Variants in DPY19L3 observed in about 807,000 individuals in gnomAD.
The protein encoded by DPY19L3 is dpy-19 like C-mannosyltransferase 3.
Under a neutral mutation model 92.3 loss-of-function variants are expected in DPY19L3, and 51 were observed. That is an observed-to-expected ratio of 0.55 (90% confidence interval 0.44 to 0.70). DPY19L3 has a LOEUF of 0.70. DPY19L3 is among the 30% of genes least tolerant of loss of function. DPY19L3 has a pLI of 0.00. For synonymous variants in DPY19L3, 309 were observed against 315.2 expected, an observed-to-expected ratio of 0.98 and a Z score of 0.21; for missense variants, 706 against 855.9, an observed-to-expected ratio of 0.82 and a Z score of 2.18.
At chr19:32,471,819 T>G (rs562886286) in intron 16 of DPY19L3, among the ~76,000 whole-genome samples, 1 of 152,328 alleles carries the variant, frequency 6.6e-6, no homozygotes, top group South Asian at 2.1e-4. Context: ...GGGCCTTACC[T>G]GAGGGTGACA....
chr19:32,463,848 C>G (rs1439878666), intron 13 of DPY19L3, 21 bp from the exon 14 acceptor site: 1 of 1,594,794 alleles, frequency 6.3e-7, no homozygotes, highest in Non-Finnish European at 8.6e-7. Flanking sequence ...TTCTGACTTG[C>G]GCCTGTGTCT....
At chr19:32,437,630 G>A (rs78979906) in intron 6 of DPY19L3, among the ~76,000 whole-genome samples, 44 of 152,060 alleles carry the variant, frequency 2.9e-4, no homozygotes, top group Non-Finnish European at 5.0e-4. Context: ...TTCTCCAGCC[G>A]CATATCTCAT....
rs1435766800 is a variant in DPY19L3 at position 32,485,144 on chromosome 19, C to G, written c.*2904C>G. The stretch of plus-strand genomic sequence containing the variant: ...GATCGGCAAACGAATGTATATTACA[C>G]AGTTTAGGTTATGATTCCCTACTTT... On this transcript the variant is annotated 3_prime_UTR_variant, in exon 19 of 19. Coordinates refer to ENST00000392250, the MANE Select transcript of DPY19L3 (RefSeq NM_001172774.2). 1 of 152,172 alleles carries G rather than the reference C, an allele frequency of 6.6e-6. No homozygotes were observed. The highest frequency in any genetic ancestry group is 1.5e-5 in the Non-Finnish European group (1 of 68,032). 9.4% of individuals were successfully genotyped at this position (152,172 alleles called of 1,614,324 possible).
At chr19:32,456,902 T>C (rs1475217872) in intron 10 of DPY19L3, among the ~76,000 whole-genome samples, 1 of 152,176 alleles carries the variant, frequency 6.6e-6, no homozygotes, top group Non-Finnish European at 1.5e-5. Flanking sequence ...GGCTTATGCC[T>C]GTAATCGCAG....
chr19:32,458,396 C>T lies in DPY19L3; in HGVS notation c.1209C>T (p.Leu403=), dbSNP rs773205863. 13 of 1,613,784 alleles carry T rather than the reference C, an allele frequency of 8.1e-6. No homozygotes were observed. The highest frequency in any genetic ancestry group is 1.1e-5 in the Non-Finnish European group (13 of 1,179,972). ...ATCTGTGTGAAGAAGCTTTTGGCCT[C>T]CTGCCTTTTAATACATTTGGAAGGC... ...NLYLCEEAFG[L]LPFNTFGRLS... The change falls in exon 12 of 19, where the codon CTC becomes CTT. Residue 403 remains leucine (L), a synonymous_variant. Transcript: ENST00000392250.
In DPY19L3 at chr19:32,431,748, C is replaced by A. The variant is rs145910196; in HGVS notation, c.238-968C>A. ...TTGTAGACACTGAACCATCAGAAAA[C>A]AAAGGTGTCACTATCTCAACCATCC... On this transcript the variant is annotated intron_variant, in intron 3 of 18. Transcript: ENST00000392250. Among the ~76,000 whole-genome samples the A allele has an allele frequency of 4.3e-3, 648 of 152,242 alleles. 6 individuals carry two copies. Among genetic ancestry groups the A allele is most frequent in the African/African-American group, 0.015 (622 of 41,542 alleles).
At chr19:32,424,134 T>C (rs1968674955) in intron 3 of DPY19L3, among the ~76,000 whole-genome samples, 1 of 151,310 alleles carries the variant, frequency 6.6e-6, no homozygotes. Flanking sequence ...CTGGGCAACA[T>C]AGTGAGATCC....
chr19:32,452,403 T>C (rs553474974), intron 8 of DPY19L3, among the ~76,000 whole-genome samples: 2 of 152,102 alleles, frequency 1.3e-5, no homozygotes, highest in Non-Finnish European at 2.9e-5. Flanking sequence ...GGGCACACAC[T>C]CACACAGACA....
intron 3 of DPY19L3, among the ~76,000 whole-genome samples, chr19:32,426,220 A>G (rs1441325012): frequency 6.6e-6 from 1 of 152,190 alleles, no homozygotes; most frequent in Non-Finnish European, 1.5e-5. Context: ...TCTAGCCTTC[A>G]CAGAATTGAA....
chr19:32,418,259 T>A (rs1422778183), intron 3 of DPY19L3, among the ~76,000 whole-genome samples: 2 of 152,248 alleles, frequency 1.3e-5, no homozygotes, highest in East Asian at 3.8e-4. Flanking sequence ...GCACACATTT[T>A]GGGTTGTCTC....
chr19:32,458,027 A>G (rs1599653028), intron 10 of DPY19L3, 73 bp from the exon 11 acceptor site: 2 of 1,178,540 alleles, frequency 1.7e-6, no homozygotes, highest in East Asian at 2.4e-5. Flanking sequence ...GAATATGTAA[A>G]TTCAATGGGA....
At chr19:32,449,280 C>G (rs1259132650) in intron 8 of DPY19L3, among the ~76,000 whole-genome samples, 1 of 152,138 alleles carries the variant, frequency 6.6e-6, no homozygotes, top group African/African-American at 2.4e-5. Flanking sequence ...TTTTAAACGC[C>G]TAGATTGGAA....
Position 32,463,934 on chromosome 19 carries a change from T to A in DPY19L3, c.1511T>A (p.Ile504Lys), listed in dbSNP as rs755701298. Reference sequence around the variant, plus strand: ...TCATTCGGCCTATGTAGCCCTGAAATATGGGAGTTACTTCTGAAGTCAGTC... The same window carrying A: ...TCATTCGGCCTATGTAGCCCTGAAAAATGGGAGTTACTTCTGAAGTCAGTC... ...FASFGLCSPE[I>K]WELLLKSVHL... The change falls in exon 14 of 19, where the codon ATA (isoleucine) becomes AAA (lysine). Residue 504 changes from isoleucine to lysine, a missense_variant. Ile to Lys is a moderately radical substitution (Grantham distance 102, BLOSUM62 -3). Transcript: ENST00000392250. The A allele has an allele frequency of 6.2e-7, 1 of 1,613,512 alleles. No homozygotes were observed. The highest frequency in any genetic ancestry group is 1.7e-5 in the Admixed American group (1 of 59,996).
chr19:32,456,683 T>A (rs1470428267), intron 10 of DPY19L3, among the ~76,000 whole-genome samples: 2 of 152,038 alleles, frequency 1.3e-5, no homozygotes, highest in East Asian at 1.9e-4. Flanking sequence ...ATGCTCCCAC[T>A]TCAGCCTCCC....
intron 9 of DPY19L3, among the ~76,000 whole-genome samples, chr19:32,453,981 T>C (rs1310154149): frequency 6.6e-6 from 1 of 152,198 alleles, no homozygotes; most frequent in East Asian, 1.9e-4. Flanking sequence ...CATTTTGTTT[T>C]CCACTTTTAG....
chr19:32,445,088 A>C (rs553888377), intron 8 of DPY19L3, among the ~76,000 whole-genome samples: 109 of 151,482 alleles, frequency 7.2e-4, no homozygotes, highest in African/African-American at 2.2e-3. Context: ...AAAAAAAAAA[A>C]AAAACAAAAA....
At chr19:32,420,075 G>C (rs1010047888) in intron 3 of DPY19L3, among the ~76,000 whole-genome samples, 4 of 151,240 alleles carry the variant, frequency 2.6e-5, no homozygotes, top group Admixed American at 2.0e-4. Context: ...GGCCAGGATG[G>C]TCTCGATCTC....
Position 32,482,164 on chromosome 19 carries a change from C to T in DPY19L3, c.2075C>T (p.Pro692Leu), listed in dbSNP as rs150686956. The T allele has an allele frequency of 1.4e-5, 22 of 1,613,838 alleles. No individual in the cohort carries two copies. The highest frequency in any genetic ancestry group is 1.3e-4 in the African/African-American group (10 of 75,004). The change falls in exon 19 of 19, where the codon CCT (proline) becomes CTT (leucine). Residue 692 changes from proline (P) to leucine (L), a missense_variant. By Grantham distance (98) the Pro-to-Leu change is moderately conservative. Coordinates refer to ENST00000392250, the MANE Select transcript of DPY19L3 (RefSeq NM_001172774.2). ...TGTGAAGAGATCAAAAGAAACCTGC[C>T]TCCCTACGTGGCCTACTTCACCAGA... ...RFCEEIKRNL[P>L]PYVAYFTRVF...
chr19:32,431,481 T>C (rs1248759120), intron 3 of DPY19L3, among the ~76,000 whole-genome samples: 1 of 152,204 alleles, frequency 6.6e-6, no homozygotes, highest in Non-Finnish European at 1.5e-5. Flanking sequence ...GAATCTCTAA[T>C]AACATAGATT....
Sources: allele counts gnomAD v4.1 joint callset (sites outside exome capture counted in the v4.1 genomes callset), GRCh38; gene constraint gnomAD v4.1.1; transcripts MANE v1.5; gene names NCBI Gene and HGNC (gene_info 2026-07-23, HGNC 2026-07-21).